The following FUT9 variants were observed in gnomAD, a reference collection of about 807,000 sequenced individuals.
FUT9 encodes 4-galactosyl-N-acetylglucosaminide 3-alpha-L-fucosyltransferase 9.
FUT9 carries 15 observed loss-of-function variants against 29.7 expected under a neutral mutation model. That is an observed-to-expected ratio of 0.51 (90% CI 0.34 to 0.78). FUT9 has a LOEUF of 0.78. FUT9 is among the 30% of genes least tolerant of loss of function. FUT9 has a pLI of 0.01. For missense variants in FUT9, 319 were observed against 425.4 expected (o/e 0.75, Z 2.20); for synonymous variants, 169 against 153.7 (o/e 1.10, Z -0.74).
At chr6:96,180,636 T>TA (rs1158176299) in intron 2 of FUT9, among the ~76,000 whole-genome samples, 2 of 152,070 alleles carry the variant, frequency 1.3e-5, no homozygotes, top group Non-Finnish European at 2.9e-5. Flanking sequence ...AACACTCTCC[T>TA]ACCTCTAGTA....
intron 2 of FUT9, among the ~76,000 whole-genome samples, chr6:96,146,729 T>A (rs1444614040): frequency 6.6e-6 from 1 of 152,192 alleles, no homozygotes; most frequent in Non-Finnish European, 1.5e-5. Context: ...GTATTACTAC[T>A]TGGTGAAAGT....
chr6:96,109,811 C>G (rs1171292062), intron 1 of FUT9, among the ~76,000 whole-genome samples: 1 of 152,120 alleles, frequency 6.6e-6, no homozygotes, highest in East Asian at 1.9e-4. Flanking sequence ...CTTCTCGTAT[C>G]CATTGCACTA....
chr6:96,163,809 C>A (rs547243994), intron 2 of FUT9, among the ~76,000 whole-genome samples: 149 of 152,286 alleles, frequency 9.8e-4, no homozygotes, highest in African/African-American at 3.4e-3. Context: ...CAGGCACAAG[C>A]CACTGTGCCC....
intron 2 of FUT9, among the ~76,000 whole-genome samples, chr6:96,156,679 A>C (rs980319843): frequency 6.6e-6 from 1 of 152,124 alleles, no homozygotes; most frequent in Non-Finnish European, 1.5e-5. Flanking sequence ...TGGTGTAGGC[A>C]CTTGTGGGTT....
At chr6:96,102,900 T>A (rs1562125134) in intron 1 of FUT9, among the ~76,000 whole-genome samples, 1 of 152,156 alleles carries the variant, frequency 6.6e-6, no homozygotes, top group East Asian at 1.9e-4. Context: ...ATGTGTGACA[T>A]GCTGTGCCAA....
At chr6:96,176,008 T>C (rs1322946601) in intron 2 of FUT9, among the ~76,000 whole-genome samples, 2 of 152,244 alleles carry the variant, frequency 1.3e-5, no homozygotes, top group African/African-American at 4.8e-5. Flanking sequence ...GAATTCACTC[T>C]CTCTCTCTCC....
At chr6:96,109,218 C>A (rs1468215740) in intron 1 of FUT9, among the ~76,000 whole-genome samples, 1 of 152,182 alleles carries the variant, frequency 6.6e-6, no homozygotes, top group Non-Finnish European at 1.5e-5. Flanking sequence ...TAATGGAATT[C>A]AGTTTTCAAT....
intron 1 of FUT9, among the ~76,000 whole-genome samples, chr6:96,080,943 A>G (rs1771225674): frequency 6.6e-6 from 1 of 151,980 alleles, no homozygotes; most frequent in Non-Finnish European, 1.5e-5. Context: ...TATTGAAAGC[A>G]CAATCTTGAG....
At chr6:96,134,390 T>C (rs1772309166) in intron 2 of FUT9, among the ~76,000 whole-genome samples, 1 of 151,826 alleles carries the variant, frequency 6.6e-6, no homozygotes, top group Admixed American at 6.6e-5. Flanking sequence ...AGCAGTATAA[T>C]ATTCCATTCT....
intron 1 of FUT9, among the ~76,000 whole-genome samples, chr6:96,095,737 T>C (rs763499954): frequency 2.0e-5 from 3 of 152,158 alleles, no homozygotes; most frequent in Non-Finnish European, 4.4e-5. Flanking sequence ...TCAAATTTCA[T>C]GTTGGGCATT....
intron 1 of FUT9, among the ~76,000 whole-genome samples, chr6:96,026,362 ATATAT>A (rs1770168551): frequency 6.6e-6 from 1 of 151,676 alleles, no homozygotes; most frequent in Admixed American, 6.6e-5. Flanking sequence ...TTTGGAACAA[ATATAT>A]TGTATTTAAG....
chr6:96,080,481 G>A (rs7763346), intron 1 of FUT9, among the ~76,000 whole-genome samples: 3,937 of 152,014 alleles, frequency 0.026, 194 homozygotes, highest in African/African-American at 0.09. Flanking sequence ...CTTATTAAAT[G>A]TATGTATACT....
intron 2 of FUT9, among the ~76,000 whole-genome samples, chr6:96,169,855 G>A (rs1773080409): frequency 6.6e-6 from 1 of 152,158 alleles, no homozygotes; most frequent in African/African-American, 2.4e-5. Flanking sequence ...AATTTCTTAT[G>A]GCAAAGATGA....
chr6:96,168,009 A>T (rs1257549634), intron 2 of FUT9, among the ~76,000 whole-genome samples: 1 of 152,218 alleles, frequency 6.6e-6, no homozygotes, highest in Non-Finnish European at 1.5e-5. Context: ...TACACACGCA[A>T]GAGAAGGAGT....
At chr6:96,073,211 G>A (rs1037233022) in intron 1 of FUT9, among the ~76,000 whole-genome samples, 2 of 152,104 alleles carry the variant, frequency 1.3e-5, no homozygotes, top group African/African-American at 4.8e-5. Context: ...AGCACTTTGG[G>A]GGGCCAAGAC....
In FUT9 at chr6:96,203,784, G is replaced by A. The variant is rs1773773477; in HGVS notation, c.629G>A (p.Ser210Asn). 6.2e-7 allele frequency: 1 copy of A among 1,613,908 alleles called. No homozygotes were observed. Residue 210 changes from serine to asparagine, a missense_variant, in exon 3 of 3, where the codon AGC (serine) becomes AAC (asparagine). Coordinates refer to ENST00000302103, the MANE Select transcript of FUT9 (RefSeq NM_006581.4). ...HARVKYYNEL[S>N]KSIEIHTYGQ... is the part of the protein sequence containing the mutation. ...AGAGTCAAGTATTACAATGAGCTAA[G>A]CAAAAGCATTGAAATCCATACCTAC...
intron 2 of FUT9, among the ~76,000 whole-genome samples, chr6:96,139,150 C>T (rs780467797): frequency 5.9e-5 from 9 of 152,112 alleles, no homozygotes; most frequent in Non-Finnish European, 1.0e-4. Context: ...GGGGTACAGG[C>T]ATTGTGTAAA....
chr6:96,203,717 T>C lies in FUT9; in HGVS notation c.562T>C (p.Leu188=), dbSNP rs762458149. 1.7e-5 allele frequency: 28 copies of C among 1,613,836 alleles called. No homozygotes were observed. Among genetic ancestry groups the C allele is most frequent in the Non-Finnish European group, 2.2e-5 (26 of 1,180,004 alleles). ...FVFEVPSKEK[L]VCWVVSNWNP... ...GTTTGAAGTGCCAAGCAAAGAGAAA[T>C]TGGTGTGCTGGGTTGTGAGTAACTG... Residue 188 remains leucine, a synonymous_variant, in exon 3 of 3, where the codon TTG becomes CTG. Coordinates refer to ENST00000302103, the MANE Select transcript of FUT9 (RefSeq NM_006581.4).
rs1353392563 is a variant in FUT9, at chr6:96,157,471, T to C, written c.-9+43344T>C. Among the ~76,000 whole-genome samples the C allele has an allele frequency of 2.0e-5, 3 of 152,210 alleles. No homozygotes were observed. The East Asian group carries it at 5.8e-4, about 29-fold the overall frequency. On this transcript the variant is annotated intron_variant, in intron 2 of 2. Coordinates refer to ENST00000302103, the MANE Select transcript of FUT9 (RefSeq NM_006581.4). ...ATGAGTTGAGGAATGTACACTGAGT[T>C]AGAGTGAACAATACTCCTGGATTTG...
Sources: gnomAD v4.1 joint callset for allele counts (sites outside exome capture counted in the v4.1 genomes callset) on GRCh38, gnomAD v4.1.1 for gene constraint, MANE v1.5 for transcripts, NCBI Gene and HGNC (gene_info 2026-07-23, HGNC 2026-07-21) for gene names.